The following DACH2 variants were observed in gnomAD, a reference collection of about 807,000 sequenced individuals.
DACH2 encodes dachshund family transcription factor 2.
A neutral mutation model predicts 35.8 loss-of-function variants in DACH2; 17 were observed. The observed-to-expected ratio is 0.48, with a 90% CI of 0.33 to 0.71. DACH2 has a LOEUF of 0.71. Ranked by LOEUF, DACH2 falls within the 30% of genes least tolerant of loss-of-function variation. The pLI is 0.02. For synonymous variants in DACH2, 195 were observed against 177.3 expected (o/e 1.10, Z -0.79); for missense variants, 469 against 472.7 (o/e 0.99, Z 0.07).
chrX:86,237,584 T>A (rs1165379887), intron 1 of DACH2, among the ~76,000 whole-genome samples: 1 of 111,670 alleles, frequency 9.0e-6, no homozygotes, highest in Admixed American at 9.5e-5. Flanking sequence ...TTGAGCCCAC[T>A]GTTCTTGTTC....
At chrX:86,519,248 A>G (rs923943445) in intron 3 of DACH2, among the ~76,000 whole-genome samples, 1 of 112,196 alleles carries the variant, frequency 8.9e-6, no homozygotes, top group African/African-American at 3.2e-5. Flanking sequence ...GATGAAGCCT[A>G]CTTGATCTTG....
At chrX:86,269,886 A>G (rs1187422577) in intron 1 of DACH2, among the ~76,000 whole-genome samples, 1 of 108,835 alleles carries the variant, frequency 9.2e-6, no homozygotes, top group Admixed American at 1.0e-4. Flanking sequence ...AACAAGGATA[A>G]CATTTTTCAG....
At chrX:86,186,789 T>C (rs2031695813) in intron 1 of DACH2, among the ~76,000 whole-genome samples, 2 of 111,749 alleles carry the variant, frequency 1.8e-5, no homozygotes, top group South Asian at 7.5e-4. Context: ...GACAAAGGTA[T>C]ACAATATGTC....
At chrX:86,488,516 G>A (rs1429794529) in intron 2 of DACH2, among the ~76,000 whole-genome samples, 2 of 110,927 alleles carry the variant, frequency 1.8e-5, no homozygotes, top group African/African-American at 3.3e-5. Context: ...GAGTAATAGC[G>A]TTACGACTTG....
chrX:86,492,545 C>T (rs187850445), intron 2 of DACH2, among the ~76,000 whole-genome samples: 7 of 111,820 alleles, frequency 6.3e-5, no homozygotes, highest in African/African-American at 1.3e-4. Flanking sequence ...TACAAATGAT[C>T]CTGTCACCCA....
intron 3 of DACH2, among the ~76,000 whole-genome samples, chrX:86,520,411 A>T (rs1469090117): frequency 1.8e-5 from 2 of 111,527 alleles, no homozygotes; most frequent in African/African-American, 6.5e-5. Flanking sequence ...GTAAAGTTCT[A>T]TCAGACCCAG....
At chrX:86,542,486 C>A (rs2038899154) in intron 3 of DACH2, among the ~76,000 whole-genome samples, 1 of 111,565 alleles carries the variant, frequency 9.0e-6, no homozygotes, top group Non-Finnish European at 1.9e-5. Flanking sequence ...GTCTGTTACA[C>A]CTTTGATCTC....
At chrX:86,522,745 A>G (rs1166710047) in intron 3 of DACH2, among the ~76,000 whole-genome samples, 1 of 111,648 alleles carries the variant, frequency 9.0e-6, no homozygotes, top group Non-Finnish European at 1.9e-5. Flanking sequence ...CAATAGCTTA[A>G]TTCCCCAATA....
At chrX:86,670,260 C>T (rs1289814297) in intron 4 of DACH2, among the ~76,000 whole-genome samples, 5 of 110,883 alleles carry the variant, frequency 4.5e-5, no homozygotes, top group Non-Finnish European at 9.4e-5. Context: ...AGACTAGGCA[C>T]TCAATAATAA....
intron 3 of DACH2, among the ~76,000 whole-genome samples, chrX:86,628,533 A>G (rs2040163183): frequency 8.9e-6 from 1 of 112,793 alleles, no homozygotes; most frequent in Non-Finnish European, 1.9e-5. Flanking sequence ...ACGTTTAATT[A>G]TCATAAATAT....
chrX:86,642,485 T>A (rs1371958594), intron 3 of DACH2, among the ~76,000 whole-genome samples: 2 of 111,334 alleles, frequency 1.8e-5, no homozygotes, highest in African/African-American at 3.3e-5. Context: ...CAAAGAAACA[T>A]AGACTCCCAC....
At chrX:86,804,089 A>G (rs2042320205) in intron 7 of DACH2, among the ~76,000 whole-genome samples, 1 of 111,958 alleles carries the variant, frequency 8.9e-6, no homozygotes, top group Non-Finnish European at 1.9e-5. Context: ...ACATGTTTCC[A>G]TTATTGGTCC....
chrX:86,292,425 T>G (rs747468048), intron 1 of DACH2, among the ~76,000 whole-genome samples: 1,464 of 102,354 alleles, frequency 0.014, 39 homozygotes, highest in African/African-American at 0.05. Context: ...CTCTATTTCC[T>G]TCAGTTCTGC....
intron 1 of DACH2, chrX:86,304,889 G>T (rs771505907): frequency 3.7e-4 from 47 of 126,609 alleles, no homozygotes; most frequent in South Asian, 2.8e-3. Context: ...CGCTGACCAC[G>T]ACCTGTACTA....
At chrX:86,452,586 A>G (rs1211489535) in intron 2 of DACH2, among the ~76,000 whole-genome samples, 1 of 111,107 alleles carries the variant, frequency 9.0e-6, no homozygotes, top group Non-Finnish European at 1.9e-5. Context: ...TATTCATTTC[A>G]TCTACATTTT....
At chrX:86,235,062 A>G (rs1027987265) in intron 1 of DACH2, among the ~76,000 whole-genome samples, 1 of 111,573 alleles carries the variant, frequency 9.0e-6, no homozygotes, top group Admixed American at 9.6e-5. Context: ...TGTCTGTGGC[A>G]GTTTCTCAGA....
At chrX:86,501,718 TA>T (rs902155987) in intron 2 of DACH2, among the ~76,000 whole-genome samples, 1 of 111,433 alleles carries the variant, frequency 9.0e-6, no homozygotes, top group African/African-American at 3.3e-5. Context: ...AATAGAAAAC[TA>T]AAGGAAAACA....
chrX:86,473,325 G>T (rs2037789484), intron 2 of DACH2, among the ~76,000 whole-genome samples: 1 of 110,740 alleles, frequency 9.0e-6, no homozygotes, highest in Non-Finnish European at 1.9e-5. Context: ...ATGTAAAATG[G>T]GGCATCCATC....
chrX:86,504,427 C>T (rs751075400), intron 2 of DACH2, among the ~76,000 whole-genome samples: 1 of 110,152 alleles, frequency 9.1e-6, no homozygotes, highest in Non-Finnish European at 1.9e-5. Context: ...TTTGAATCTA[C>T]CCAAATTTAC....
Sources: allele counts gnomAD v4.1 joint callset (sites outside exome capture counted in the v4.1 genomes callset), GRCh38; gene constraint gnomAD v4.1.1; transcripts MANE v1.5; gene names NCBI Gene and HGNC (gene_info 2026-07-23, HGNC 2026-07-21).